NDE1: variants seen among roughly 807,000 people sequenced by gnomAD.
NDE1 encodes the protein nuclear distribution protein nudE homolog 1.
A neutral mutation model predicts 43.4 loss-of-function variants in NDE1; 28 were observed. That is an observed-to-expected ratio of 0.65 (90% CI 0.48 to 0.89). The LOEUF is 0.89. Ranked by LOEUF, NDE1 falls within the 40% of genes least tolerant of loss-of-function variation. The probability of loss-of-function intolerance (pLI) is 0.00; values close to 1 mark genes in which losing one functional copy is unlikely to be tolerated. For missense variants in NDE1, 441 were observed against 434.1 expected (o/e 1.02, Z -0.14); for synonymous variants, 184 against 172.0 (o/e 1.07, Z -0.55).
upstream of NDE1, among the ~76,000 whole-genome samples, chr16:15,647,718 G>A (rs2151380526): frequency 6.6e-6 from 1 of 152,188 alleles, no homozygotes; most frequent in Middle Eastern, 3.4e-3. Context: ...TGCTGTAAGG[G>A]TGCATTGTAC....
At chr16:15,675,135 G>A (rs956881839) in intron 3 of NDE1, among the ~76,000 whole-genome samples, 2 of 152,072 alleles carry the variant, frequency 1.3e-5, no homozygotes, top group African/African-American at 2.4e-5. Context: ...CAAGGGGCAG[G>A]AGGTGGGAGG....
chr16:15,724,669 T>C lies in NDE1; in HGVS notation c.*418T>C, dbSNP rs138730904. ...CACCTGGATGTTGAGAGTGGAGATGTGGCGCTCCAGGTTCTGCTTGGCCTC... is the reference window on the plus strand; with the variant it reads ...CACCTGGATGTTGAGAGTGGAGATGCGGCGCTCCAGGTTCTGCTTGGCCTC... On this transcript the variant is annotated 3_prime_UTR_variant, in exon 9 of 9. Coordinates refer to ENST00000396354, the MANE Select transcript of NDE1 (RefSeq NM_017668.3). 2 of 1,614,054 alleles carry C rather than the reference T, an allele frequency of 1.2e-6. No homozygotes were observed. Among genetic ancestry groups the C allele is most frequent in the African/African-American group, 2.7e-5 (2 of 74,934 alleles).
intron 8 of NDE1, chr16:15,714,094 G>A (rs767380389): frequency 6.6e-6 from 1 of 152,478 alleles, no homozygotes; most frequent in Non-Finnish European, 1.5e-5. Context: ...CCTGGATGTT[G>A]AAATCATGGA....
At chr16:15,717,851 G>A (rs763481786) in intron 8 of NDE1, 11 of 264,774 alleles carry the variant, frequency 4.2e-5, no homozygotes, top group Admixed American at 1.5e-4. Context: ...CGAGTGACTT[G>A]TCCCTTGCTT....
At chr16:15,699,914 TGA>T in intron 8 of NDE1, 1 of 1,256,276 alleles carries the variant, frequency 8.0e-7, no homozygotes, top group Non-Finnish European at 1.0e-6. Flanking sequence ...TAAGTTAGTT[TGA>T]GAAATAAGAG....
chr16:15,719,414 G>C, intron 8 of NDE1: 1 of 1,467,554 alleles, frequency 6.8e-7, no homozygotes, highest in Non-Finnish European at 9.4e-7. Flanking sequence ...TTCTTCCTCT[G>C]AGCTCAGGGG....
At chr16:15,682,655 G>A (rs139770808) in intron 4 of NDE1, among the ~76,000 whole-genome samples, 149 of 152,274 alleles carry the variant, frequency 9.8e-4, no homozygotes, top group African/African-American at 3.5e-3. Context: ...GTACTAAGAT[G>A]CCAAAAAGTT....
At chr16:15,664,968 G>T in intron 2 of NDE1, 107 bp downstream of exon 2, 3 of 842,260 alleles carry the variant, frequency 3.6e-6, no homozygotes, top group Admixed American at 2.1e-5. Context: ...TGATCATAGT[G>T]CACAGCCGCC....
intron 8 of NDE1, chr16:15,703,445 AC>A: frequency 4.2e-6 from 1 of 239,752 alleles, no homozygotes; most frequent in Non-Finnish European, 8.2e-6. Flanking sequence ...GGGACCGGTT[AC>A]CGTGGATATG....
chr16:15,698,204 C>G (rs570605554), intron 8 of NDE1, among the ~76,000 whole-genome samples: 43 of 152,246 alleles, frequency 2.8e-4, no homozygotes, highest in African/African-American at 1.0e-3. Flanking sequence ...CAGTGCAGAT[C>G]TGATCTCTAA....
At chr16:15,696,386 CAAA>C (rs5815840) in intron 7 of NDE1, among the ~76,000 whole-genome samples, 1 of 145,780 alleles carries the variant, frequency 6.9e-6, no homozygotes, top group African/African-American at 2.6e-5. Flanking sequence ...AAAAACAAAA[CAAA>C]AAAAAAAACT....
intron 8 of NDE1, among the ~76,000 whole-genome samples, chr16:15,708,415 C>T (rs2039584851): frequency 6.6e-6 from 1 of 152,216 alleles, no homozygotes; most frequent in South Asian, 2.1e-4. Context: ...AGTGCAGTGT[C>T]TTCACTGGAC....
At chr16:15,706,823 A>G (rs1037712075) in intron 8 of NDE1, among the ~76,000 whole-genome samples, 5 of 152,214 alleles carry the variant, frequency 3.3e-5, no homozygotes, top group Non-Finnish European at 5.9e-5. Flanking sequence ...GGAAAAGCTT[A>G]ATGGATAAAT....
chr16:15,708,993 A>G, intron 8 of NDE1: 1 of 846,836 alleles, frequency 1.2e-6, no homozygotes, highest in Non-Finnish European at 1.9e-6. Flanking sequence ...CCCAGGCTGG[A>G]GTGCAGGGGT....
Position 15,725,006 on chromosome 16 carries a change from G to A in NDE1, c.*755G>A, listed in dbSNP as rs763714252. ...CTCAACTTCATTCTAAGGGTGCCAA[G>A]AGACTGGTTAGTCAAAGCCTCTAGA... On this transcript the variant is annotated 3_prime_UTR_variant, in exon 9 of 9. Transcript: ENST00000396354. The A allele has an allele frequency of 1.2e-6, 2 of 1,611,902 alleles. No homozygotes were observed. The highest frequency in any genetic ancestry group is 1.7e-6 in the Non-Finnish European group (2 of 1,178,582).
At chr16:15,659,586 A>G (rs1252871046) in intron 1 of NDE1, among the ~76,000 whole-genome samples, 3 of 150,452 alleles carry the variant, frequency 2.0e-5, no homozygotes, top group Non-Finnish European at 4.4e-5. Flanking sequence ...ACAGGCGCAC[A>G]CCACCATGCC....
At chr16:15,708,670 A>G in intron 8 of NDE1, 1 of 917,080 alleles carries the variant, frequency 1.1e-6, no homozygotes, top group Non-Finnish European at 1.8e-6. Context: ...AAGATATCCA[A>G]GCCTCCAGAT....
chr16:15,703,576 CAGGG>C, intron 8 of NDE1: 1 of 347,172 alleles, frequency 2.9e-6, no homozygotes, highest in Non-Finnish European at 5.4e-6. Context: ...ACCTTGAATA[CAGGG>C]GTAGTAGGGG....
At chr16:15,676,200 TTTTC>T (rs891525938) in intron 3 of NDE1, among the ~76,000 whole-genome samples, 22 of 147,898 alleles carry the variant, frequency 1.5e-4, no homozygotes, top group Middle Eastern at 3.5e-3. Flanking sequence ...CCCTCCTTCT[TTTTC>T]TTTCTTTCTT....
Sources: gnomAD v4.1 joint callset for allele counts (sites outside exome capture counted in the v4.1 genomes callset) on GRCh38, gnomAD v4.1.1 for gene constraint, MANE v1.5 for transcripts, NCBI Gene and HGNC (gene_info 2026-07-23, HGNC 2026-07-21) for gene names.